The following HRG variants were observed in gnomAD, a reference collection of about 807,000 sequenced individuals.
The protein encoded by HRG is histidine-rich glycoprotein.
A neutral mutation model predicts 29.5 loss-of-function variants in HRG; 26 were observed. The ratio of observed to expected loss-of-function variants is 0.88; its 90% CI spans 0.65 to 1.22. The LOEUF (loss-of-function observed/expected upper bound fraction) is 1.22, where lower values mean the gene tolerates loss of function less well. Ranked by LOEUF, HRG falls within the 50% of genes most tolerant of loss-of-function variation. The pLI, the probability that HRG is intolerant of heterozygous loss-of-function variation, is 0.00. For synonymous variants in HRG, 243 were observed against 240.4 expected (o/e 1.01, Z -0.10); for missense variants, 671 against 654.5 (o/e 1.03, Z -0.28).
rs111646867 is a variant in HRG, at chr3:186,675,179, T to C, written c.730T>C (p.Phe244Leu). 20 of 1,612,226 alleles carry C rather than the reference T, an allele frequency of 1.2e-5. No individual in the cohort carries two copies. The African/African-American group carries it at 1.6e-4, about 13-fold the overall frequency. The change falls in exon 6 of 7, where the codon TTC (phenylalanine) becomes CTC (leucine). Residue 244 changes from phenylalanine (F) to leucine (L), a missense_variant. Phe to Leu is a conservative substitution (Grantham distance 22, BLOSUM62 0). Coordinates refer to ENST00000232003, the MANE Select transcript of HRG (RefSeq NM_000412.5). Reference sequence around the variant, plus strand: ...AAACCTTGTCATAAACTGTGAAGTCTTCGACCCTCAGGTGGGTTGTCTAAG... The same window carrying C: ...AAACCTTGTCATAAACTGTGAAGTCCTCGACCCTCAGGTGGGTTGTCTAAG... Reference protein sequence around the residue: ...PKNLVINCEVFDPQEHENING... With the variant: ...PKNLVINCEVLDPQEHENING...
intron 3 of HRG, 105 bp from the exon 4 acceptor site, chr3:186,671,518 C>T: frequency 8.4e-7 from 1 of 1,188,438 alleles, no homozygotes; most frequent in Admixed American, 1.7e-5. Context: ...TCTTCCCACC[C>T]TCAATTTGCC....
At chr3:186,673,039 C>T (rs1718855914) in intron 5 of HRG, 172 bp downstream of exon 5, 2 of 682,694 alleles carry the variant, frequency 2.9e-6, no homozygotes, top group Non-Finnish European at 5.3e-6. Flanking sequence ...TACAAAGTAT[C>T]ATCTGGGAAG....
chr3:186,669,797 T>C, intron 2 of HRG, 141 bp from the exon 3 acceptor site: 1 of 704,592 alleles, frequency 1.4e-6, no homozygotes, highest in Non-Finnish European at 2.6e-6. Context: ...ATGCAGGGTT[T>C]GAGACAAGCT....
In HRG at chr3:186,666,131, G is replaced by C; in HGVS notation, c.100G>C (p.Ala34Pro). 6.2e-7 allele frequency: 1 copy of C among 1,614,208 alleles called. No individual in the cohort carries two copies. The highest frequency in any genetic ancestry group is 8.5e-7 in the Non-Finnish European group (1 of 1,180,046). ...CSAVEPEAEK[A>P]LDLINKRRRD... ...TGCTGTTGAGCCGGAGGCTGAGAAA[G>C]CTCTAGACCTGATCAATAAAAGGCG... The change falls in exon 1 of 7, where the codon GCT becomes CCT. Residue 34 changes from alanine to proline, a missense_variant. Transcript: ENST00000232003.
At position 186,668,985 on chromosome 3, in the gene HRG, T is replaced by C; in HGVS notation, c.234T>C (p.Cys78=). The change falls in exon 2 of 7, where the codon TGT becomes TGC. Residue 78 remains cysteine, a synonymous_variant. Coordinates refer to ENST00000232003, the MANE Select transcript of HRG (RefSeq NM_000412.5). ...TCTTAGATGTGCAAGAATCGGACTGTTCGGTCCTATCCAGGAAATACTGGA... is the reference window on the plus strand; with the variant it reads ...TCTTAGATGTGCAAGAATCGGACTGCTCGGTCCTATCCAGGAAATACTGGA... The part of the protein sequence containing the change: ...YLVLDVQESD[C]SVLSRKYWND... 1 of 1,612,892 alleles carries C rather than the reference T, an allele frequency of 6.2e-7. No homozygotes were observed. The highest frequency in any genetic ancestry group is 8.5e-7 in the Non-Finnish European group (1 of 1,178,832).
rs142394055 is a variant in HRG at position 186,666,041 on chromosome 3, C to A, written c.10C>A (p.Leu4Ile). Residue 4 changes from leucine to isoleucine, a missense_variant, in exon 1 of 7, where the codon CTC becomes ATC. Transcript: ENST00000232003. MKA[L>I]IAALLLITLQ... ...GGGATGGTTTAACAAAATGAAGGCACTCATTGCAGCACTGCTTTTGATCAC... is the reference window on the plus strand; with the variant it reads ...GGGATGGTTTAACAAAATGAAGGCAATCATTGCAGCACTGCTTTTGATCAC... 6.2e-7 allele frequency: 1 copy of A among 1,614,200 alleles called. No homozygotes were observed. Among genetic ancestry groups the A allele is most frequent in the Non-Finnish European group, 8.5e-7 (1 of 1,180,006 alleles).
Position 186,666,186 on chromosome 3 carries a change from G to C in HRG, c.155G>C (p.Arg52Pro). ...RRDGYLFQLL[R>P]IADAHLDRVE... ...GATGGCTACCTTTTCCAATTGCTGCGGATTGCTGATGCCCACTTGGACAGA... is the reference window on the plus strand; with the variant it reads ...GATGGCTACCTTTTCCAATTGCTGCCGATTGCTGATGCCCACTTGGACAGA... Residue 52 changes from arginine (R) to proline (P), a missense_variant, in exon 1 of 7, where the codon CGG becomes CCG. Coordinates refer to ENST00000232003, the MANE Select transcript of HRG (RefSeq NM_000412.5). 1 of 1,613,998 alleles carries C rather than the reference G, an allele frequency of 6.2e-7. No homozygotes were observed. The highest frequency in any genetic ancestry group is 8.5e-7 in the Non-Finnish European group (1 of 1,179,930).
In HRG at chr3:186,669,732, C is replaced by G. The variant is rs1021339750; in HGVS notation, c.301-206C>G. On this transcript the variant is annotated intron_variant, in intron 2 of 6. Coordinates refer to ENST00000232003, the MANE Select transcript of HRG (RefSeq NM_000412.5). ...TGCTTTAAATAGTTTCTCGCTGGTT[C>G]TCCTGAGGATTTTGAGTGCCAACAG... is the stretch of plus-strand genomic sequence containing the variant. 5 of 607,604 alleles carry G rather than the reference C, an allele frequency of 8.2e-6. No homozygotes were observed. The African/African-American group carries it at 9.2e-5, about 11-fold the overall frequency. 37.6% of individuals were successfully genotyped at this position (607,604 alleles called of 1,614,324 possible). A position where few individuals can be genotyped will look rare whatever the true frequency, so the allele number is the denominator to read the frequency against.
At chr3:186,670,406 G>T (rs1718749531) in intron 3 of HRG, among the ~76,000 whole-genome samples, 1 of 152,076 alleles carries the variant, frequency 6.6e-6, no homozygotes, top group African/African-American at 2.4e-5. Flanking sequence ...ATGAAGTAAA[G>T]GTTATGACAC....
intron 1 of HRG, among the ~76,000 whole-genome samples, chr3:186,666,610 C>T (rs1378849419): frequency 6.6e-6 from 1 of 152,040 alleles, no homozygotes; most frequent in Admixed American, 6.6e-5. Flanking sequence ...CCTAACTGAG[C>T]CTGAAATAAA....
intron 1 of HRG, among the ~76,000 whole-genome samples, chr3:186,668,362 C>T (rs113404574): frequency 0.01 from 1,535 of 152,264 alleles, 15 homozygotes; most frequent in Non-Finnish European, 0.015. Flanking sequence ...AAAGACCATT[C>T]AGGGCCTGGT....
At chr3:186,672,431 GA>G in intron 4 of HRG, among the ~76,000 whole-genome samples, 1 of 152,306 alleles carries the variant, frequency 6.6e-6, no homozygotes, top group Non-Finnish European at 1.5e-5. Context: ...CCATTTATAT[GA>G]AACACTTAGA....
intron 4 of HRG, among the ~76,000 whole-genome samples, chr3:186,672,429 A>G (rs756462696): frequency 1.4e-4 from 22 of 152,220 alleles, no homozygotes; most frequent in Non-Finnish European, 2.5e-4. Context: ...ACCCATTTAT[A>G]TGAAACACTT....
chr3:186,666,208 C>T lies in HRG; in HGVS notation c.177C>T (p.Asp59=), dbSNP rs1485972740. 1 of 1,613,858 alleles carries T rather than the reference C, an allele frequency of 6.2e-7. No individual in the cohort carries two copies. The highest frequency in any genetic ancestry group is 8.5e-7 in the Non-Finnish European group (1 of 1,179,876). ...QLLRIADAHL[D]RVENTTVYYL... is the part of the protein sequence containing the mutation. ...TGCGGATTGCTGATGCCCACTTGGA[C>T]AGAGTGGTGAGGAATTGCCAATGGC... The change falls in exon 1 of 7, where the codon GAC becomes GAT. Residue 59 remains aspartate, a synonymous_variant. Transcript: ENST00000232003.
At position 186,675,304 on chromosome 3, in the gene HRG, T is replaced by TGAGA. The variant is rs1474974601; in HGVS notation, c.741+115_741+116insAGAG. 4.7e-3 allele frequency: 2,315 copies of TGAGA among 489,334 alleles called. 9 individuals are homozygous for TGAGA. Among genetic ancestry groups the TGAGA allele is most frequent in the African/African-American group, 0.027 (1,108 of 41,800 alleles). 30.3% of individuals were successfully genotyped at this position (489,334 alleles called of 1,614,324 possible). On this transcript the variant is annotated intron_variant, in intron 6 of 6. Transcript: ENST00000232003. ...GAGTGGGTGTGTGTGTGTGTGTGTG[T>TGAGA]GTGTGAGAGAGAGAGAGAGAGAGAG... is the stretch of plus-strand genomic sequence containing the variant.
intron 6 of HRG, 141 bp downstream of exon 6, chr3:186,675,331 G>C: frequency 1.5e-6 from 1 of 660,568 alleles, no homozygotes; most frequent in Non-Finnish European, 2.8e-6. Context: ...GAGAGAGAGA[G>C]ACAGAGACAG....
rs1718795324 is a variant in HRG, at chr3:186,671,611, T to C, written c.392-12T>C. ...AGCCCTTTACTGTGACACTGCTATC[T>C]TCTTTCTCCAGTCTCTTCAGCACTG... is the stretch of plus-strand genomic sequence containing the variant. On this transcript the variant is annotated splice_polypyrimidine_tract_variant and intron_variant, in intron 3 of 6. Coordinates refer to ENST00000232003, the MANE Select transcript of HRG (RefSeq NM_000412.5). The C allele has an allele frequency of 2.5e-6, 4 of 1,613,342 alleles. No homozygotes were observed. The African/African-American group carries it at 5.3e-5, about 22-fold the overall frequency.
rs553143042 is a variant in HRG, at chr3:186,666,157, A to T, written c.126A>T (p.Arg42=). The change falls in exon 1 of 7, where the codon CGA becomes CGT. Residue 42 remains arginine (R), a synonymous_variant. Transcript: ENST00000232003. The stretch of plus-strand genomic sequence containing the variant: ...CTCTAGACCTGATCAATAAAAGGCG[A>T]CGGGATGGCTACCTTTTCCAATTGC... ...EKALDLINKR[R]RDGYLFQLLR... 3.7e-6 allele frequency: 6 copies of T among 1,614,182 alleles called. No homozygotes were observed. The highest frequency in any genetic ancestry group is 1.3e-5 in the African/African-American group (1 of 75,054).
rs115876426 is a variant in HRG, at chr3:186,677,257, C to T, written c.952C>T (p.Pro318Ser). ...ACCCCCACTTCCACAAGGCCCTCCT[C>T]CACTATTGCCCATGTCCTGCTCAAG... ...HGPPLPQGPPPLLPMSCSSCQ... is the reference protein window; with the variant it reads ...HGPPLPQGPPSLLPMSCSSCQ... The change falls in exon 7 of 7, where the codon CCA becomes TCA. Residue 318 changes from proline (P) to serine (S), a missense_variant. Coordinates refer to ENST00000232003, the MANE Select transcript of HRG (RefSeq NM_000412.5). 2.0e-3 allele frequency: 3,153 copies of T among 1,614,128 alleles called. 51 individuals carry two copies. In the African/African-American group the frequency reaches 0.033, roughly 17 times the overall value.
Sources: allele counts gnomAD v4.1 joint callset (sites outside exome capture counted in the v4.1 genomes callset), GRCh38; gene constraint gnomAD v4.1.1; transcripts MANE v1.5; gene names NCBI Gene and HGNC (gene_info 2026-07-23, HGNC 2026-07-21).